Variants in ANO5 observed in about 807,000 individuals in gnomAD.
The protein encoded by ANO5 is anoctamin 5.
In ANO5, 109 loss-of-function variants were observed where a neutral mutation model predicts 121.0. The ratio of observed to expected loss-of-function variants is 0.90; its 90% CI spans 0.77 to 1.06. The LOEUF (loss-of-function observed/expected upper bound fraction) is 1.06, where lower values mean the gene tolerates loss of function less well. Among genes scored for constraint, ANO5 ranks in the 50% least tolerant of loss-of-function variants. The pLI is 0.00. For synonymous variants in ANO5, 406 were observed against 359.9 expected (o/e 1.13, Z -1.45); for missense variants, 1,064 against 1,078.5 (o/e 0.99, Z 0.19).
intron 9 of ANO5, among the ~76,000 whole-genome samples, chr11:22,249,598 T>C (rs951543212): frequency 8.5e-5 from 13 of 152,108 alleles, no homozygotes. Flanking sequence ...AATTAAAATG[T>C]TGTGCCGATA....
At chr11:22,194,606 C>A (rs2133478976) in intron 1 of ANO5, among the ~76,000 whole-genome samples, 1 of 152,290 alleles carries the variant, frequency 6.6e-6, no homozygotes, top group South Asian at 2.1e-4. Context: ...CACTTCCCAT[C>A]CTCCCCACTT....
rs748501553 is a variant in ANO5, at chr11:22,274,576, T to G, written c.2243T>G (p.Ile748Ser). The change falls in exon 20 of 22, where the codon ATT becomes AGT. Residue 748 changes from isoleucine to serine, a missense_variant. Coordinates refer to ENST00000324559, the MANE Select transcript of ANO5 (RefSeq NM_213599.3). ...AVLSVATNAF[I>S]VAFTSDIIPR... ...TTTTTTTTTATTCTTCAGGCCTTTA[T>G]TGTTGCATTTACGTCAGACATCATT... 46 of 1,598,604 alleles carry G rather than the reference T, an allele frequency of 2.9e-5. No individual in the cohort carries two copies. In the East Asian group the frequency reaches 7.6e-4, roughly 27 times the overall value.
At chr11:22,274,314 C>T (rs551140927) in intron 19 of ANO5, among the ~76,000 whole-genome samples, 3 of 152,088 alleles carry the variant, frequency 2.0e-5, no homozygotes, top group Admixed American at 6.6e-5. Flanking sequence ...GAACATGGTT[C>T]GTAGAGACAG....
chr11:22,222,396 T>C (rs575450256), intron 5 of ANO5, among the ~76,000 whole-genome samples: 1 of 152,066 alleles, frequency 6.6e-6, no homozygotes, highest in African/African-American at 2.4e-5. Flanking sequence ...AACTCCCTTT[T>C]CCAATAATCT....
intron 9 of ANO5, among the ~76,000 whole-genome samples, chr11:22,240,594 C>A (rs1309221317): frequency 6.6e-6 from 1 of 151,984 alleles, no homozygotes; most frequent in African/African-American, 2.4e-5. Context: ...CAAACTCTTT[C>A]TTGAATGGCT....
chr11:22,273,014 T>TG (rs776396571), intron 19 of ANO5, 25 bp downstream of exon 19: 10 of 1,600,150 alleles, frequency 6.2e-6, no homozygotes, highest in Non-Finnish European at 8.6e-6. Flanking sequence ...TTCGGTGGGG[T>TG]GACTTTGTAT....
chr11:22,216,082 T>C (rs1374306380), intron 3 of ANO5, among the ~76,000 whole-genome samples: 2 of 151,868 alleles, frequency 1.3e-5, no homozygotes, highest in Admixed American at 6.6e-5. Context: ...TGTCCACTCA[T>C]CCATTGATGG....
At chr11:22,267,398 C>A (rs1279105971) in intron 17 of ANO5, among the ~76,000 whole-genome samples, 1 of 151,024 alleles carries the variant, frequency 6.6e-6, no homozygotes, top group African/African-American at 2.4e-5. Context: ...TGAAAAGTTC[C>A]TTTTTCGTAT....
intron 7 of ANO5, among the ~76,000 whole-genome samples, chr11:22,229,651 G>A (rs1169462329): frequency 6.6e-6 from 1 of 151,920 alleles, no homozygotes; most frequent in East Asian, 1.9e-4. Context: ...TTGTTACATT[G>A]AAAAATTGTT....
chr11:22,194,255 T>G (rs1257673955), intron 1 of ANO5, among the ~76,000 whole-genome samples: 1 of 152,200 alleles, frequency 6.6e-6, no homozygotes, highest in Non-Finnish European at 1.5e-5. Context: ...GCACATACTA[T>G]TTTGCTGCTA....
At chr11:22,225,217 G>T (rs753603167) in intron 5 of ANO5, among the ~76,000 whole-genome samples, 1 of 152,026 alleles carries the variant, frequency 6.6e-6, no homozygotes, top group Non-Finnish European at 1.5e-5. Context: ...CAGTGCTTTG[G>T]CAGGCTAAGG....
At chr11:22,202,572 C>T (rs1851997495) in intron 1 of ANO5, among the ~76,000 whole-genome samples, 1 of 152,074 alleles carries the variant, frequency 6.6e-6, no homozygotes, top group African/African-American at 2.4e-5. Flanking sequence ...TGGTACTGAA[C>T]TCAGTGTCTG....
intron 9 of ANO5, among the ~76,000 whole-genome samples, chr11:22,244,964 G>C (rs953012543): frequency 6.6e-6 from 1 of 152,084 alleles, no homozygotes; most frequent in African/African-American, 2.4e-5. Flanking sequence ...CAGAGTTCTT[G>C]CACTGAATCT....
intron 21 of ANO5, chr11:22,277,726 C>T (rs1453273715): frequency 6.6e-6 from 1 of 151,398 alleles, no homozygotes; most frequent in African/African-American, 2.4e-5. Context: ...TAAATTACTT[C>T]CGGAATTCTT....
At position 22,193,159 on chromosome 11, in the gene ANO5, C is replaced by A. The variant is rs1185328629; in HGVS notation, c.-334C>A. On this transcript the variant is annotated 5_prime_UTR_variant, in exon 1 of 22. Transcript: ENST00000324559. ...TGCCGAGCAGGCACAGGGACAGGTG[C>A]CTGGAGAAGTACTGGGAGAGCGCCC... 7.6e-6 allele frequency: 9 copies of A among 1,176,896 alleles called. No individual in the cohort carries two copies. The highest frequency in any genetic ancestry group is 9.6e-6 in the Non-Finnish European group (9 of 941,350). The allele number at this position is 1,176,896 out of a possible 1,614,324, so 72.9% of individuals were successfully genotyped here.
chr11:22,213,962 G>A (rs558746193), intron 3 of ANO5, among the ~76,000 whole-genome samples: 1 of 151,840 alleles, frequency 6.6e-6, no homozygotes. Context: ...GAGTCCAGTG[G>A]CATGATCATA....
intron 13 of ANO5, 117 bp from the exon 14 acceptor site, chr11:22,257,563 A>G (rs946064880): frequency 8.7e-6 from 7 of 806,634 alleles, no homozygotes; most frequent in Non-Finnish European, 1.5e-5. Flanking sequence ...CATGACCTAT[A>G]GTAGGCCCTT....
At chr11:22,269,449 GGAA>G (rs1854515457) in intron 17 of ANO5, among the ~76,000 whole-genome samples, 1 of 140,198 alleles carries the variant, frequency 7.1e-6, no homozygotes, top group East Asian at 2.1e-4. Context: ...AGAAGGGAAA[GGAA>G]GAAGGAAGGA....
chr11:22,199,669 T>TA (rs879830189), intron 1 of ANO5, among the ~76,000 whole-genome samples: 31 of 152,028 alleles, frequency 2.0e-4, no homozygotes, highest in African/African-American at 4.8e-4. Flanking sequence ...TGTTCTACTT[T>TA]AAAAAAAATC....
Sources: gnomAD v4.1 joint callset for allele counts (sites outside exome capture counted in the v4.1 genomes callset) on GRCh38, gnomAD v4.1.1 for gene constraint, MANE v1.5 for transcripts, NCBI Gene and HGNC (gene_info 2026-07-23, HGNC 2026-07-21) for gene names.